Variants in ZNF469 observed in about 807,000 individuals in gnomAD.
ZNF469 encodes zinc finger protein 469.
Under a neutral mutation model 1.0 loss-of-function variants are expected in ZNF469, and 1 was observed. The observed-to-expected ratio is 1.00, with a 90% CI of 0.35 to 4.73. The LOEUF (loss-of-function observed/expected upper bound fraction) is 4.73, where lower values mean the gene tolerates loss of function less well. Among genes scored for constraint, ZNF469 ranks in the 30% most tolerant of loss-of-function variants. The probability of loss-of-function intolerance (pLI) is 0.16; values close to 1 mark genes in which losing one functional copy is unlikely to be tolerated. For synonymous variants in ZNF469, 2,703 were observed against 2,363.4 expected, an observed-to-expected ratio of 1.14 and a Z score of -4.17; for missense variants, 6,100 against 5,356.3, an observed-to-expected ratio of 1.14 and a Z score of -4.33.
the ZNF469 span, among the ~76,000 whole-genome samples, chr16:88,220,482 C>T: frequency 6.6e-6 from 1 of 152,122 alleles, no homozygotes; most frequent in Non-Finnish European, 1.5e-5. Context: ...AGATGGCAGC[C>T]AGGTGACAGA....
chr16:88,432,606 A>T lies in ZNF469; in HGVS notation c.5136A>T (p.Gly1712=). The change falls in exon 3 of 3, where the codon GGA becomes GGT. Residue 1712 remains glycine (G), a synonymous_variant. Transcript: ENST00000565624. ...AGACTGGACTTTGCCAGGCAGAAGG[A>T]GACAGCAGGCCCCCCCAAGATGTCT... ...ASKTGLCQAE[G]DSRPPQDVCL... 6.4e-7 allele frequency: 1 copy of T among 1,550,426 alleles called. No individual in the cohort carries two copies. The highest frequency in any genetic ancestry group is 8.7e-7 in the Non-Finnish European group (1 of 1,146,976).
chr16:88,378,321 GCAAAGT>G (rs2092514090), upstream of ZNF469, among the ~76,000 whole-genome samples: 3 of 152,228 alleles, frequency 2.0e-5, no homozygotes, highest in Non-Finnish European at 4.4e-5. Context: ...GGTCTACTCA[GCAAAGT>G]CCACGGGTAC....
At chr16:88,303,087 TCCCTACTC>T in the ZNF469 span, among the ~76,000 whole-genome samples, 1 of 152,126 alleles carries the variant, frequency 6.6e-6, no homozygotes, top group Non-Finnish European at 1.5e-5. Flanking sequence ...AAGGACAGGT[TCCCTACTC>T]CCCTGGTGTC....
At position 88,430,710 on chromosome 16, in the gene ZNF469, C is replaced by G; in HGVS notation, c.3240C>G (p.Pro1080=). Residue 1080 remains proline (P), a synonymous_variant, in exon 3 of 3, where the codon CCC becomes CCG. Coordinates refer to ENST00000565624, the MANE Select transcript of ZNF469 (RefSeq NM_001367624.2). ...GCGGCTCCCTGGCGGCGGGGAGGCC[C>G]CGGCCCGGAGCTGAGGACCGCAGGC... ...GRCGSLAAGR[P]RPGAEDRRLR... 1 of 1,482,270 alleles carries G rather than the reference C, an allele frequency of 6.7e-7. No homozygotes were observed. The highest frequency in any genetic ancestry group is 8.9e-7 in the Non-Finnish European group (1 of 1,125,756). 91.8% of individuals were successfully genotyped at this position (1,482,270 alleles called of 1,614,324 possible). A position where few individuals can be genotyped will look rare whatever the true frequency, so the allele number is the denominator to read the frequency against.
At chr16:88,256,895 C>CTTTCTTTCT in the ZNF469 span, among the ~76,000 whole-genome samples, 16 of 51,472 alleles carry the variant, frequency 3.1e-4, 4 homozygotes, top group South Asian at 2.8e-3. Flanking sequence ...CTTTTCTTTC[C>CTTTCTTTCT]TTCTTTCTTT....
In ZNF469 at chr16:88,438,195, G is replaced by A. The variant is rs1467560506; in HGVS notation, c.10725G>A (p.Leu3575=). The A allele has an allele frequency of 2.5e-5, 39 of 1,547,816 alleles. No individual in the cohort carries two copies. The highest frequency in any genetic ancestry group is 3.1e-5 in the Non-Finnish European group (36 of 1,145,284). The stretch of plus-strand genomic sequence containing the variant: ...GAGACTGCGCGCTGGACGGAGCCCT[G>A]GAGAGGCCAGAGAACGAGGCTTCCC... ...GRGDCALDGA[L]ERPENEASPG... is the part of the protein sequence containing the mutation. Residue 3575 remains leucine, a synonymous_variant, in exon 3 of 3, where the codon CTG becomes CTA. Coordinates refer to ENST00000565624, the MANE Select transcript of ZNF469 (RefSeq NM_001367624.2).
chr16:88,227,053 C>T, the ZNF469 span, among the ~76,000 whole-genome samples: 5 of 146,018 alleles, frequency 3.4e-5, no homozygotes, highest in Non-Finnish European at 7.6e-5. Context: ...TCCTCCGCGC[C>T]GGGGCCTGCG....
At chr16:88,245,177 C>T in the ZNF469 span, among the ~76,000 whole-genome samples, 1 of 152,158 alleles carries the variant, frequency 6.6e-6, no homozygotes, top group African/African-American at 2.4e-5. Context: ...CAAGTCCTTC[C>T]TGATGAAGAT....
chr16:88,257,115 ATTTTTTTT>A, the ZNF469 span, among the ~76,000 whole-genome samples: 2 of 117,064 alleles, frequency 1.7e-5, no homozygotes, highest in South Asian at 2.9e-4. Flanking sequence ...TACCCCACTA[ATTTTTTTT>A]TTTTTTTTTT....
the ZNF469 span, among the ~76,000 whole-genome samples, chr16:88,133,736 AT>A: frequency 6.6e-6 from 1 of 152,154 alleles, no homozygotes; most frequent in Non-Finnish European, 1.5e-5. Context: ...AAGTTATAAA[AT>A]TCTTGTGTTT....
At chr16:88,148,377 A>G in the ZNF469 span, among the ~76,000 whole-genome samples, 1 of 152,176 alleles carries the variant, frequency 6.6e-6, no homozygotes, top group Non-Finnish European at 1.5e-5. Context: ...CATGCCGGAC[A>G]CACACCAATG....
chr16:88,284,610 CA>C, the ZNF469 span, among the ~76,000 whole-genome samples: 10,185 of 109,400 alleles, frequency 0.093, 1,074 homozygotes, highest in African/African-American at 0.33. Flanking sequence ...GATCCCATCT[CA>C]AAAAAAAAAA....
chr16:88,250,344 A>T, the ZNF469 span, among the ~76,000 whole-genome samples: 2 of 152,158 alleles, frequency 1.3e-5, no homozygotes, highest in African/African-American at 4.8e-5. Flanking sequence ...TGTTCAATAT[A>T]TTTTTTGTGA....
chr16:88,420,392 C>T (rs1905422033), intron 1 of ZNF469, among the ~76,000 whole-genome samples: 2 of 152,202 alleles, frequency 1.3e-5, no homozygotes, highest in South Asian at 2.1e-4. Flanking sequence ...AGTGGGACTG[C>T]GTGAGCGTTG....
the ZNF469 span, among the ~76,000 whole-genome samples, chr16:88,197,804 G>T: frequency 6.6e-6 from 1 of 152,314 alleles, no homozygotes; most frequent in African/African-American, 2.4e-5. Context: ...GGAGGCCGTG[G>T]GCATCTGCCA....
chr16:88,381,382 A>C (rs916724222), upstream of ZNF469, among the ~76,000 whole-genome samples: 5 of 147,160 alleles, frequency 3.4e-5, no homozygotes, highest in Admixed American at 6.7e-5. Flanking sequence ...ACACAGAGAC[A>C]TGCATTCACA....
chr16:88,380,906 TCACAGACATGCACTCACACAGACAC>T (rs2092521151), upstream of ZNF469, among the ~76,000 whole-genome samples: 1 of 53,832 alleles, frequency 1.9e-5, no homozygotes, highest in African/African-American at 1.2e-4. Flanking sequence ...TCACACACAC[TCACAGACATGCACTCACACAGACAC>T]GCACTCACAC....
At chr16:88,235,677 GAC>G in the ZNF469 span, among the ~76,000 whole-genome samples, 1 of 152,228 alleles carries the variant, frequency 6.6e-6, no homozygotes, top group Non-Finnish European at 1.5e-5. Flanking sequence ...AGAAGAGAAA[GAC>G]ACCAAACCGT....
At chr16:88,311,539 A>G in the ZNF469 span, among the ~76,000 whole-genome samples, 7 of 152,200 alleles carry the variant, frequency 4.6e-5, no homozygotes, top group African/African-American at 1.7e-4. Context: ...TTCCAGAAGA[A>G]CTTTTGTGGG....
Sources: gnomAD v4.1 joint callset for allele counts (sites outside exome capture counted in the v4.1 genomes callset) on GRCh38, gnomAD v4.1.1 for gene constraint, MANE v1.5 for transcripts, NCBI Gene and HGNC (gene_info 2026-07-23, HGNC 2026-07-21) for gene names.